Variants in NEO1 observed in about 807,000 individuals in gnomAD.
NEO1 encodes the protein neogenin.
A neutral mutation model predicts 159.7 loss-of-function variants in NEO1; 63 were observed. The ratio of observed to expected loss-of-function variants is 0.39; its 90% confidence interval spans 0.32 to 0.49. NEO1 has a LOEUF of 0.49. NEO1 is among the 20% of genes least tolerant of loss of function. The pLI, the probability that NEO1 is intolerant of heterozygous loss-of-function variation, is 0.85. For synonymous variants in NEO1, 633 were observed against 662.0 expected, an observed-to-expected ratio of 0.96 and a Z score of 0.67; for missense variants, 1,615 against 1,831.0, an observed-to-expected ratio of 0.88 and a Z score of 2.15.
At chr15:73,290,512 C>G (rs778783720) in intron 25 of NEO1, among the ~76,000 whole-genome samples, 2 of 36,564 alleles carry the variant, frequency 5.5e-5, no homozygotes, top group Non-Finnish European at 9.5e-5. Flanking sequence ...GGATTACAGG[C>G]CTGAGCCACC....
chr15:73,158,820 CTTCTAGAGATATTCTA>C (rs2033965978), intron 5 of NEO1, among the ~76,000 whole-genome samples: 2 of 152,072 alleles, frequency 1.3e-5, no homozygotes, highest in Admixed American at 1.3e-4. Context: ...TTTTCTTATC[CTTCTAGAGATATTCTA>C]TGCCTGTTCA....
chr15:73,252,033 A>G (rs1290569035), intron 11 of NEO1, among the ~76,000 whole-genome samples: 1 of 152,200 alleles, frequency 6.6e-6, no homozygotes, highest in African/African-American at 2.4e-5. Context: ...GACTGGAATC[A>G]TTAATGTAAT....
intron 7 of NEO1, among the ~76,000 whole-genome samples, chr15:73,189,163 C>A (rs757629822): frequency 3.3e-5 from 5 of 152,132 alleles, no homozygotes; most frequent in Non-Finnish European, 5.9e-5. Flanking sequence ...AATTTTATAT[C>A]TTTGATTGTG....
intron 1 of NEO1, among the ~76,000 whole-genome samples, chr15:73,116,315 T>C (rs1438614859): frequency 6.6e-6 from 1 of 152,134 alleles, no homozygotes; most frequent in Non-Finnish European, 1.5e-5. Context: ...TTATCTCAGG[T>C]AGAAGGTTTT....
intron 1 of NEO1, among the ~76,000 whole-genome samples, chr15:73,081,967 G>C (rs929952235): frequency 6.7e-6 from 1 of 149,752 alleles, no homozygotes; most frequent in African/African-American, 2.5e-5. Flanking sequence ...TCCCTGCTCC[G>C]GGCCCAAGTG....
intron 16 of NEO1, among the ~76,000 whole-genome samples, chr15:73,266,716 C>T (rs575491544): frequency 1.3e-5 from 2 of 152,112 alleles, no homozygotes; most frequent in African/African-American, 2.4e-5. Flanking sequence ...GTCTTTTGGG[C>T]ATGTGAGTTG....
chr15:73,272,903 C>T (rs1157972603), intron 19 of NEO1, among the ~76,000 whole-genome samples: 1 of 149,932 alleles, frequency 6.7e-6, no homozygotes, highest in Non-Finnish European at 1.5e-5. Context: ...AATTATATAC[C>T]CCCTCCCTGG....
At chr15:73,187,679 A>T (rs1439168187) in intron 7 of NEO1, among the ~76,000 whole-genome samples, 3 of 152,194 alleles carry the variant, frequency 2.0e-5, no homozygotes, top group Non-Finnish European at 4.4e-5. Context: ...GTGTTCCTGT[A>T]AAACTTTATA....
rs536479947 is a variant in NEO1 at position 73,293,486 on chromosome 15, A to G, written c.3839A>G (p.His1280Arg). 3.1e-6 allele frequency: 5 copies of G among 1,613,896 alleles called. No individual in the cohort carries two copies. In the African/African-American group the frequency reaches 5.3e-5, roughly 17 times the overall value. ...LASPARSHLY[H>R]PGSPWPIGTS... is the part of the protein sequence containing the mutation. Reference sequence around the variant, plus strand: ...TCTCCAGCTCGCAGTCATCTCTACCACCCGGGCAGCCCATGGCCCATTGGC... The same window carrying G: ...TCTCCAGCTCGCAGTCATCTCTACCGCCCGGGCAGCCCATGGCCCATTGGC... Residue 1280 changes from histidine (H) to arginine (R), a missense_variant, in exon 26 of 29, where the codon CAC (histidine) becomes CGC (arginine). His to Arg is a conservative substitution (Grantham distance 29, BLOSUM62 0). This residue lies in a region of NEO1 where 471 missense variants were observed against 498.9 expected (regional missense o/e 0.94). Transcript: ENST00000261908.
chr15:73,105,740 T>C (rs1320978183), intron 1 of NEO1, among the ~76,000 whole-genome samples: 4 of 152,160 alleles, frequency 2.6e-5, no homozygotes, highest in Admixed American at 1.3e-4. Context: ...TGGATTTGTG[T>C]AATTATTTTT....
chr15:73,231,497 C>A (rs1391177011), intron 7 of NEO1, among the ~76,000 whole-genome samples: 4 of 152,124 alleles, frequency 2.6e-5, no homozygotes, highest in Admixed American at 2.6e-4. Context: ...TTTTGAGAGG[C>A]CGAAGTGGGT....
chr15:73,254,660 T>G (rs1322188912), intron 12 of NEO1, 22 bp from the exon 13 acceptor site: 1 of 1,566,038 alleles, frequency 6.4e-7, no homozygotes, highest in Non-Finnish European at 8.6e-7. Flanking sequence ...CAGCCTTTTT[T>G]CTATAATTCT....
chr15:73,221,632 G>T (rs559080676), intron 7 of NEO1: 1 of 156,404 alleles, frequency 6.4e-6, no homozygotes, highest in East Asian at 1.9e-4. Context: ...CCTGGGCAAT[G>T]GCTGGCGCCC....
rs1256537412 is a variant in NEO1, at chr15:73,299,208, A to T, written c.4165+597A>T. On this transcript the variant is annotated intron_variant, in intron 27 of 28. Transcript: ENST00000261908. Reference sequence around the variant, plus strand: ...AAATTTCTGGTCTCAGTATCCCTTTATAGCTTAAAAGCTATTGAGCACCTA... The same window carrying T: ...AAATTTCTGGTCTCAGTATCCCTTTTTAGCTTAAAAGCTATTGAGCACCTA... 3.9e-5 allele frequency among the ~76,000 whole-genome samples: 6 copies of T among 152,146 alleles called. No individual in the cohort carries two copies. The East Asian group carries it at 1.2e-3, about 29-fold the overall frequency.
chr15:73,236,808 A>G (rs181512414), intron 8 of NEO1, among the ~76,000 whole-genome samples: 2 of 152,310 alleles, frequency 1.3e-5, no homozygotes, highest in East Asian at 3.9e-4. Flanking sequence ...CTAGAGATTA[A>G]GGTAGACTTA....
rs1012158187 is a variant in NEO1, at chr15:73,303,799, A to G, written c.*1103A>G. On this transcript the variant is annotated 3_prime_UTR_variant, in exon 29 of 29. Coordinates refer to ENST00000261908, the MANE Select transcript of NEO1 (RefSeq NM_002499.4). ...TCTAACTGCCTGAGTCACACAGAAT[A>G]GGGTAAGAGCCTGACCCCATTCTGT... 4.6e-5 allele frequency: 7 copies of G among 152,252 alleles called. No homozygotes were observed. Among genetic ancestry groups the G allele is most frequent in the African/African-American group, 1.7e-4 (7 of 41,454 alleles). 9.4% of individuals were successfully genotyped at this position (152,252 alleles called of 1,614,324 possible).
rs527585107 is a variant in NEO1, at chr15:73,109,155, TAAC to T, written c.131-7382_131-7380del. ...AGTACAGTCCATATTATTTTATACA[TAAC>T]AATTTCTAAAATGTGATTGTGAAAA... On this transcript the variant is annotated intron_variant, in intron 1 of 28. Coordinates refer to ENST00000261908, the MANE Select transcript of NEO1 (RefSeq NM_002499.4). Among the ~76,000 whole-genome samples the T allele has an allele frequency of 8.1e-4, 124 of 152,330 alleles. 2 individuals are homozygous for T. The South Asian group carries it at 0.018, about 22-fold the overall frequency.
At chr15:73,117,374 C>T (rs1403645419) in intron 2 of NEO1, among the ~76,000 whole-genome samples, 1 of 152,076 alleles carries the variant, frequency 6.6e-6, no homozygotes, top group Non-Finnish European at 1.5e-5. Context: ...TTCAGAGTAT[C>T]CTTATTTGAA....
At chr15:73,215,049 G>C (rs778277641) in intron 7 of NEO1, among the ~76,000 whole-genome samples, 5 of 152,062 alleles carry the variant, frequency 3.3e-5, no homozygotes, top group African/African-American at 4.8e-5. Context: ...ATTATAAAAG[G>C]GGTTGAGTTC....
Sources: gnomAD v4.1 joint callset for allele counts (sites outside exome capture counted in the v4.1 genomes callset) on GRCh38, gnomAD v4.1.1 for gene constraint, gnomAD v4.1.1 regional missense constraint, MANE v1.5 for transcripts, NCBI Gene and HGNC (gene_info 2026-07-23, HGNC 2026-07-21) for gene names.